The following FAM169A variants were observed in gnomAD, a reference collection of about 807,000 sequenced individuals.
FAM169A encodes soluble lamin-associated protein of 75 kDa.
A neutral mutation model predicts 75.7 loss-of-function variants in FAM169A; 24 were observed. The observed-to-expected ratio is 0.32, with a 90% CI of 0.23 to 0.45. The LOEUF (loss-of-function observed/expected upper bound fraction) is 0.45. Among genes scored for constraint, FAM169A ranks in the 20% least tolerant of loss-of-function variants. The pLI is 1.00. For missense variants in FAM169A, 673 were observed against 784.0 expected (o/e 0.86, Z 1.69); for synonymous variants, 271 against 271.0 (o/e 1.00, Z 0.00).
intron 12 of FAM169A, 32 bp from the exon 13 acceptor site, chr5:74,782,040 CTT>C (rs1580066425): frequency 6.6e-7 from 1 of 1,521,256 alleles, no homozygotes; most frequent in East Asian, 2.3e-5. Context: ...AACAAATAAA[CTT>C]GTACTACAGT....
At chr5:74,855,961 T>C (rs958900013) in intron 1 of FAM169A, among the ~76,000 whole-genome samples, 6 of 152,244 alleles carry the variant, frequency 3.9e-5, no homozygotes, top group Non-Finnish European at 7.3e-5. Context: ...TTTTTGTATA[T>C]GGCAAGAGAT....
intron 1 of FAM169A, among the ~76,000 whole-genome samples, chr5:74,854,367 C>T (rs1392515257): frequency 6.6e-6 from 1 of 151,836 alleles, no homozygotes; most frequent in Non-Finnish European, 1.5e-5. Flanking sequence ...TGCACTCCAG[C>T]CTGGGTGACA....
chr5:74,862,915 A>G (rs901401716), intron 1 of FAM169A, among the ~76,000 whole-genome samples: 2 of 152,114 alleles, frequency 1.3e-5, no homozygotes, highest in African/African-American at 4.8e-5. Context: ...TTTGTGACCT[A>G]CAACACACAA....
At chr5:74,806,766 A>T (rs115826881) in intron 6 of FAM169A, among the ~76,000 whole-genome samples, 1 of 152,328 alleles carries the variant, frequency 6.6e-6, no homozygotes, top group Non-Finnish European at 1.5e-5. Context: ...AGTAAAACAA[A>T]CAATTAGTAC....
At position 74,796,410 on chromosome 5, in the gene FAM169A, C is replaced by CT. The variant is rs368746360; in HGVS notation, c.1104-225dup. On this transcript the variant is annotated intron_variant, in intron 10 of 12. Transcript: ENST00000687041. ...TTATTCTATCCATATCTTAATGGATCTTTTTTTTTTTCCGAGATAAAGTCT... is the reference window on the plus strand; with the variant it reads ...TTATTCTATCCATATCTTAATGGATCTTTTTTTTTTTTCCGAGATAAAGTCT... 7.5e-4 allele frequency among the ~76,000 whole-genome samples: 104 copies of CT among 138,188 alleles called. 1 individual carries two copies. Among genetic ancestry groups the CT allele is most frequent in the Middle Eastern group, 3.8e-3 (1 of 264 alleles). The allele number at this position is 138,188 out of a possible 152,430, so 90.7% of individuals were successfully genotyped here.
chr5:74,840,226 T>TA (rs1273571671), intron 2 of FAM169A, 53 bp from the exon 3 acceptor site: 10 of 755,324 alleles, frequency 1.3e-5, no homozygotes, highest in East Asian at 2.8e-5. Flanking sequence ...GAAAATACAT[T>TA]AAAAAAATCA....
At chr5:74,793,323 CAAAAA>C (rs916752737) in intron 11 of FAM169A, among the ~76,000 whole-genome samples, 17 of 65,434 alleles carry the variant, frequency 2.6e-4, no homozygotes, top group Non-Finnish European at 4.7e-4. Flanking sequence ...GAGTCCATTT[CAAAAA>C]AAAAAAAAAA....
chr5:74,830,098 T>C (rs1748236086), intron 5 of FAM169A, among the ~76,000 whole-genome samples: 1 of 152,186 alleles, frequency 6.6e-6, no homozygotes, highest in South Asian at 2.1e-4. Context: ...CTAATGGTCA[T>C]TAGGAAAAAG....
intron 1 of FAM169A, among the ~76,000 whole-genome samples, chr5:74,855,733 G>A (rs948696051): frequency 6.6e-6 from 1 of 152,076 alleles, no homozygotes; most frequent in African/African-American, 2.4e-5. Flanking sequence ...CCATTCTGTG[G>A]GTTGTCTCTT....
intron 11 of FAM169A, among the ~76,000 whole-genome samples, chr5:74,793,492 G>T (rs554680567): frequency 1.3e-5 from 2 of 152,176 alleles, no homozygotes; most frequent in East Asian, 3.9e-4. Flanking sequence ...TCACTCATAA[G>T]TGGGAGCTAA....
At chr5:74,842,346 G>A (rs1748913933) in intron 1 of FAM169A, among the ~76,000 whole-genome samples, 5 of 136,646 alleles carry the variant, frequency 3.7e-5, no homozygotes. Context: ...GCTTGAACCC[G>A]GGAGGCAGAG....
At chr5:74,800,580 A>G (rs1396414883) in intron 10 of FAM169A, among the ~76,000 whole-genome samples, 1 of 152,026 alleles carries the variant, frequency 6.6e-6, no homozygotes, top group Non-Finnish European at 1.5e-5. Flanking sequence ...TAGCATTGTC[A>G]AGGCAACACT....
intron 1 of FAM169A, among the ~76,000 whole-genome samples, chr5:74,850,596 T>C (rs1749392614): frequency 6.6e-6 from 1 of 152,194 alleles, no homozygotes; most frequent in Admixed American, 6.5e-5. Flanking sequence ...TTACTAGCTA[T>C]GTAACCATGG....
chr5:74,834,618 C>G lies in FAM169A; in HGVS notation c.319-21G>C, dbSNP rs780490156. 3.3e-6 allele frequency: 5 copies of G among 1,499,456 alleles called. No individual in the cohort carries two copies. The South Asian group carries it at 4.3e-5, about 13-fold the overall frequency. The allele number at this position is 1,499,456 out of a possible 1,614,324, so 92.9% of individuals were successfully genotyped here. ...CTCACCTACAAAGAGAGTCAAACAC[C>G]AGGCACAGCAGTTATAATATGCATC... is the stretch of plus-strand genomic sequence containing the variant. On this transcript the variant is annotated intron_variant, in intron 4 of 12. Transcript: ENST00000687041.
chr5:74,820,071 T>G (rs1047273320), intron 5 of FAM169A, among the ~76,000 whole-genome samples: 2 of 148,212 alleles, frequency 1.3e-5, no homozygotes, highest in Non-Finnish European at 3.0e-5. Flanking sequence ...CTTGGCTCAA[T>G]GCAACCTCCA....
Position 74,781,929 on chromosome 5 carries a change from G to A in FAM169A, c.1544C>T (p.Ser515Phe). Residue 515 changes from serine to phenylalanine, a missense_variant, in exon 13 of 13, where the codon TCC becomes TTC. Ser to Phe is a radical substitution (Grantham distance 155). Coordinates refer to ENST00000687041, the MANE Select transcript of FAM169A (RefSeq NM_001376049.1). ...ATGTGCTTTCTTTCTTGGAAGTAGG[G>A]ACAATTTCTCTTCCATGTGCCCCTT... Reference protein sequence around the residue: ...DEKGHMEEKLSLLPRKKAHLG... With the variant: ...DEKGHMEEKLFLLPRKKAHLG... 2 of 1,613,910 alleles carry A rather than the reference G, an allele frequency of 1.2e-6. No individual in the cohort carries two copies. The highest frequency in any genetic ancestry group is 1.1e-5 in the South Asian group (1 of 91,080).
At chr5:74,799,557 G>C (rs889905329) in intron 10 of FAM169A, 2 of 1,516,160 alleles carry the variant, frequency 1.3e-6, no homozygotes, top group African/African-American at 2.7e-5. Flanking sequence ...GGGACAGCAA[G>C]ATGCTTTTTG....
At chr5:74,787,660 G>GAGC (rs1366498237) in intron 11 of FAM169A, among the ~76,000 whole-genome samples, 4 of 152,146 alleles carry the variant, frequency 2.6e-5, no homozygotes, top group Admixed American at 1.3e-4. Flanking sequence ...GGCCAAGTGG[G>GAGC]AGCACTCAAC....
In FAM169A at chr5:74,841,628, C is replaced by T. The variant is rs1483598787; in HGVS notation, c.49G>A (p.Glu17Lys). 5.0e-6 allele frequency: 8 copies of T among 1,612,958 alleles called. No homozygotes were observed. Among genetic ancestry groups the T allele is most frequent in the African/African-American group, 1.3e-5 (1 of 74,900 alleles). ...MLENCSHEEL[E>K]NSAEDYMSDL... Reference sequence around the variant, plus strand: ...GACATGTAATCTTCAGCAGAATTTTCCAATTCCTCATGGCTGCAATTTTCC... The same window carrying T: ...GACATGTAATCTTCAGCAGAATTTTTCAATTCCTCATGGCTGCAATTTTCC... Residue 17 changes from glutamate (E) to lysine (K), a missense_variant, in exon 2 of 13, where the codon GAA becomes AAA. Glu to Lys is a moderately conservative substitution (Grantham distance 56). Coordinates refer to ENST00000687041, the MANE Select transcript of FAM169A (RefSeq NM_001376049.1).
Sources: gnomAD v4.1 joint callset for allele counts (sites outside exome capture counted in the v4.1 genomes callset) on GRCh38, gnomAD v4.1.1 for gene constraint, MANE v1.5 for transcripts, NCBI Gene and HGNC (gene_info 2026-07-23, HGNC 2026-07-21) for gene names.